Variants in PRRT1B observed in about 807,000 individuals in gnomAD.
PRRT1B encodes proline rich transmembrane protein 1B.
intron 2 of PRRT1B, 131 bp downstream of exon 2, chr9:131,555,160 G>A: frequency 4.6e-6 from 1 of 218,766 alleles, no homozygotes; most frequent in Non-Finnish European, 7.8e-6. Flanking sequence ...CTGGAGGTGG[G>A]GGCATTTGAG....
chr9:131,546,760 C>T (rs1254379093), intron 1 of PRRT1B, among the ~76,000 whole-genome samples: 1 of 152,146 alleles, frequency 6.6e-6, no homozygotes, highest in Admixed American at 6.5e-5. Context: ...CCACCCGAGG[C>T]CCCCGCCAGG....
At chr9:131,559,415 TGGGTGACA>T (rs1375749735), downstream of PRRT1B, among the ~76,000 whole-genome samples, 1 of 152,228 alleles carries the variant, frequency 6.6e-6, no homozygotes, top group East Asian at 1.9e-4. Flanking sequence ...CACTCCAGCC[TGGGTGACA>T]GAGTGAGACT....
At position 131,556,225 on chromosome 9, in the gene PRRT1B, G is replaced by C. The variant is rs1425334323; in HGVS notation, c.642+12G>C. The stretch of plus-strand genomic sequence containing the variant: ...TCTACTCCCACGAGGTAGGTGCGGG[G>C]GCGGCCCTGGGCACAGCCTCTCCTA... On this transcript the variant is annotated intron_variant, in intron 3 of 3. Coordinates refer to ENST00000636672, the Ensembl canonical transcript of PRRT1B. 5.0e-6 allele frequency: 2 copies of C among 400,784 alleles called. No homozygotes were observed. Among genetic ancestry groups the C allele is most frequent in the Non-Finnish European group, 8.8e-6 (2 of 226,380 alleles). The allele number at this position is 400,784 out of a possible 1,614,324, so 24.8% of individuals were successfully genotyped here.
intron 3 of PRRT1B, among the ~76,000 whole-genome samples, chr9:131,556,797 A>G (rs1467335399): frequency 1.3e-5 from 2 of 151,824 alleles, no homozygotes; most frequent in Non-Finnish European, 2.9e-5. Flanking sequence ...ATGCCCAGCT[A>G]ATTTTTTGTA....
At chr9:131,547,052 G>A (rs11243419) in intron 1 of PRRT1B, among the ~76,000 whole-genome samples, 78,266 of 143,758 alleles carry the variant, frequency 0.54, 21,560 homozygotes, top group Middle Eastern at 0.58. Context: ...AGCAGAGCCT[G>A]GCCTCCTGTT....
chr9:131,545,942 G>T (rs1254191681), intron 1 of PRRT1B, among the ~76,000 whole-genome samples: 1 of 152,088 alleles, frequency 6.6e-6, no homozygotes, highest in Non-Finnish European at 1.5e-5. Context: ...GTGGTGCCCC[G>T]GAGGCCGGCG....
At chr9:131,553,197 C>T (rs1951023481) in intron 1 of PRRT1B, among the ~76,000 whole-genome samples, 1 of 150,050 alleles carries the variant, frequency 6.7e-6, no homozygotes, top group Admixed American at 6.6e-5. Flanking sequence ...TAAGAACACT[C>T]ACATTGTTGT....
At chr9:131,545,728 C>T in intron 1 of PRRT1B, 88 bp downstream of exon 1, 1 of 396,256 alleles carries the variant, frequency 2.5e-6, no homozygotes, top group Non-Finnish European at 4.4e-6. Flanking sequence ...ACTGGAGGGG[C>T]AGGTACTGGC....
rs1366422933 is a variant in PRRT1B, at chr9:131,551,333, T to C, written c.26-3224T>C. Among the ~76,000 whole-genome samples the C allele has an allele frequency of 6.6e-6, 1 of 151,930 alleles. No individual in the cohort carries two copies. The highest frequency in any genetic ancestry group is 1.5e-5 in the Non-Finnish European group (1 of 67,978). ...TGCTCCTTCTAACAACCCCACAATA[T>C]CACCTCTTACCACAAAATCTTCCTT... On this transcript the variant is annotated intron_variant, in intron 1 of 3. Transcript: ENST00000636672. This position sits in a 1 kb window ranked among gnomAD's most constrained non-coding sequence, Gnocchi z 4.4.
In PRRT1B at chr9:131,545,630, TGGAGGGGCAGGTGCC is replaced by T. The variant is rs1257458755; in HGVS notation, c.25+5_25+19del. On this transcript the variant is annotated splice_donor_variant and splice_donor_5th_base_variant and coding_sequence_variant and intron_variant, in exon 1 of 4. Transcript: ENST00000636672. LOFTEE classifies it high-confidence loss of function. ...GGGCTCGGACCATGGAGGCAGGAGC[TGGAGGGGCAGGTGCC>T]GGAGGGGCAGGTGCTGGTGGGACAG... 2.0e-5 allele frequency: 8 copies of T among 398,916 alleles called. No homozygotes were observed. Among genetic ancestry groups the T allele is most frequent in the African/African-American group, 6.3e-5 (3 of 47,956 alleles). 24.7% of individuals were successfully genotyped at this position (398,916 alleles called of 1,614,324 possible). A position where few individuals can be genotyped will look rare whatever the true frequency, so the allele number is the denominator to read the frequency against.
At chr9:131,558,540 T>C (rs1951065095) in exon 4 of PRRT1B, 1 of 210,264 alleles carries the variant, frequency 4.8e-6, no homozygotes. Context: ...TGCCTTCATC[T>C]GTGCTCTTGG....
At chr9:131,546,307 G>A (rs1401556541) in intron 1 of PRRT1B, among the ~76,000 whole-genome samples, 1 of 152,152 alleles carries the variant, frequency 6.6e-6, no homozygotes, top group African/African-American at 2.4e-5. Context: ...GAGAGAGGTG[G>A]GGTGGGGGCA....
intron 1 of PRRT1B, among the ~76,000 whole-genome samples, chr9:131,545,959 A>G (rs1340343964): frequency 1.3e-5 from 2 of 152,034 alleles, no homozygotes; most frequent in African/African-American, 2.4e-5. Flanking sequence ...GGCGGTAGCA[A>G]GATGGGGGAG....
At chr9:131,552,741 C>T (rs35861069) in intron 1 of PRRT1B, among the ~76,000 whole-genome samples, 17,428 of 150,920 alleles carry the variant, frequency 0.12, 1,186 homozygotes, top group Middle Eastern at 0.25. Context: ...GGTGTGATCT[C>T]GGCTCACTGC....
exon 2 of PRRT1B, chr9:131,554,658 G>A: frequency 2.6e-6 from 1 of 389,670 alleles, no homozygotes; most frequent in Non-Finnish European, 4.5e-6. Context: ...CGCGCAGCCC[G>A]CGCTCCCGCA....
chr9:131,550,943 T>C (rs1393351190), intron 1 of PRRT1B, among the ~76,000 whole-genome samples: 12 of 128,316 alleles, frequency 9.4e-5, no homozygotes, highest in East Asian at 2.2e-4. Context: ...CTTTTTCTTT[T>C]TTTTTTTTTT....
At position 131,551,466 on chromosome 9, in the gene PRRT1B, C is replaced by T. The variant is rs62581378; in HGVS notation, c.26-3091C>T. ...CTCCATACCACCCCCAAAAAATTTT[C>T]GCTGCCCCAACACTTCAACATTATT... is the stretch of plus-strand genomic sequence containing the variant. On this transcript the variant is annotated intron_variant, in intron 1 of 3. Transcript: ENST00000636672. This position sits in a 1 kb window ranked among gnomAD's most constrained non-coding sequence, Gnocchi z 4.4. Among the ~76,000 whole-genome samples, 3 of 152,086 alleles carry T rather than the reference C, an allele frequency of 2.0e-5. No homozygotes were observed. Among genetic ancestry groups the T allele is most frequent in the African/African-American group, 7.2e-5 (3 of 41,398 alleles).
exon 2 of PRRT1B, chr9:131,555,005 C>T: frequency 2.5e-6 from 1 of 393,262 alleles, no homozygotes; most frequent in Non-Finnish European, 4.5e-6. Flanking sequence ...CGCCGCCCGC[C>T]GGGGCCGCCT....
chr9:131,558,194 C>T, exon 4 of PRRT1B: 2 of 401,082 alleles, frequency 5.0e-6, no homozygotes, highest in Non-Finnish European at 8.8e-6. Context: ...GGCACTCTAC[C>T]TTCCCTGAGG....
Sources: allele counts gnomAD v4.1 joint callset (sites outside exome capture counted in the v4.1 genomes callset), GRCh38; gene constraint gnomAD v4.1.1; non-coding constraint Gnocchi (gnomAD v3.1); transcripts MANE v1.5; gene names NCBI Gene and HGNC (gene_info 2026-07-23, HGNC 2026-07-21).